Variants in WBP4 observed in about 807,000 individuals in gnomAD.
The protein encoded by WBP4 is WW domain binding protein 4.
WBP4 carries 37 observed loss-of-function variants against 55.4 expected under a neutral mutation model. That is an observed-to-expected ratio of 0.67 (90% confidence interval 0.51 to 0.88). The LOEUF (loss-of-function observed/expected upper bound fraction) is 0.88. Among genes scored for constraint, WBP4 ranks in the 40% least tolerant of loss-of-function variants. The pLI is 0.00. For missense variants in WBP4, 398 were observed against 420.8 expected (o/e 0.95, Z 0.47); for synonymous variants, 142 against 140.2 (o/e 1.01, Z -0.09).
intron 2 of WBP4, among the ~76,000 whole-genome samples, chr13:41,064,570 T>G (rs1324439894): frequency 6.6e-6 from 1 of 152,172 alleles, no homozygotes; most frequent in Admixed American, 6.5e-5. Context: ...TCTCCTAAAT[T>G]TAAGGAATAA....
rs1878304701 is a variant in WBP4, at chr13:41,072,770, T to C, written c.487-12T>C. 3.7e-6 allele frequency: 6 copies of C among 1,610,320 alleles called. No individual in the cohort carries two copies. The highest frequency in any genetic ancestry group is 5.1e-6 in the Non-Finnish European group (6 of 1,178,732). On this transcript the variant is annotated splice_polypyrimidine_tract_variant and intron_variant, in intron 6 of 9. Coordinates refer to ENST00000379487, the MANE Select transcript of WBP4 (RefSeq NM_007187.5). ...ATCCTTAGTTTATGCTGGGTTTTTTTCCTCCTATTAGACAGCAGTGAAGAC... is the reference window on the plus strand; with the variant it reads ...ATCCTTAGTTTATGCTGGGTTTTTTCCCTCCTATTAGACAGCAGTGAAGAC...
intron 8 of WBP4, among the ~76,000 whole-genome samples, chr13:41,076,920 A>G (rs1566213534): frequency 6.6e-6 from 1 of 152,194 alleles, no homozygotes; most frequent in Non-Finnish European, 1.5e-5. Flanking sequence ...CCATCTCACA[A>G]TGATTATAGC....
chr13:41,062,123 T>C (rs1476180517), intron 1 of WBP4: 1 of 974,112 alleles, frequency 1.0e-6, no homozygotes, highest in African/African-American at 1.8e-5. Flanking sequence ...TTTTTTTTTT[T>C]TGTCGGCCGT....
chr13:41,074,926 T>C (rs987836594), intron 7 of WBP4, among the ~76,000 whole-genome samples: 1 of 151,832 alleles, frequency 6.6e-6, no homozygotes, highest in African/African-American at 2.4e-5. Context: ...ACCGGGGAGG[T>C]GGAGGTTACA....
At chr13:41,078,043 A>G (rs540189116) in intron 8 of WBP4, among the ~76,000 whole-genome samples, 145 of 152,326 alleles carry the variant, frequency 9.5e-4, no homozygotes, top group Middle Eastern at 3.4e-3. Flanking sequence ...GGAAGAATCA[A>G]TATCACTAAA....
At chr13:41,064,912 A>G in intron 2 of WBP4, 104 bp from the exon 3 acceptor site, 5 of 1,078,736 alleles carry the variant, frequency 4.6e-6, no homozygotes, top group Non-Finnish European at 6.5e-6. Flanking sequence ...TCTGCCATTC[A>G]TTTTAATTTT....
intron 8 of WBP4, among the ~76,000 whole-genome samples, chr13:41,078,448 A>G (rs939595068): frequency 2.0e-5 from 3 of 152,204 alleles, no homozygotes; most frequent in African/African-American, 7.2e-5. Flanking sequence ...TATGCAGAAG[A>G]ATGAAACTGG....
intron 2 of WBP4, among the ~76,000 whole-genome samples, chr13:41,063,680 C>A (rs1474925496): frequency 6.6e-6 from 1 of 151,964 alleles, no homozygotes; most frequent in African/African-American, 2.4e-5. Flanking sequence ...CTGTCTTTAT[C>A]TTCTTGAGTT....
chr13:41,075,629 C>G (rs147945931), intron 7 of WBP4, among the ~76,000 whole-genome samples: 1 of 152,290 alleles, frequency 6.6e-6, no homozygotes, highest in East Asian at 1.9e-4. Context: ...AATCCTCCTA[C>G]CTCGCCTTTT....
chr13:41,069,281 CT>C (rs1427629739), intron 5 of WBP4, among the ~76,000 whole-genome samples: 1 of 151,788 alleles, frequency 6.6e-6, no homozygotes. Context: ...AATCCTAGCA[CT>C]TTTGAGGGGC....
intron 6 of WBP4, 129 bp from the exon 7 acceptor site, chr13:41,072,653 G>A: frequency 2.8e-6 from 2 of 707,184 alleles, no homozygotes; most frequent in African/African-American, 1.8e-5. Context: ...TGAGATTTGG[G>A]TGGGGATGCA....
chr13:41,062,156 C>G, intron 1 of WBP4: 1 of 853,744 alleles, frequency 1.2e-6, no homozygotes, highest in Non-Finnish European at 1.4e-6. Context: ...ATGGCTTTTC[C>G]AGTTCTCTCT....
intron 4 of WBP4, among the ~76,000 whole-genome samples, chr13:41,067,817 C>G (rs1025622136): frequency 2.0e-5 from 3 of 151,808 alleles, no homozygotes; most frequent in African/African-American, 7.3e-5. Context: ...TTTCATTTGT[C>G]TTATATATGT....
At chr13:41,064,828 T>TAATAAAC (rs1360789808) in intron 2 of WBP4, among the ~76,000 whole-genome samples, 188 bp from the exon 3 acceptor site, 1 of 152,132 alleles carries the variant, frequency 6.6e-6, no homozygotes, top group Non-Finnish European at 1.5e-5. Context: ...GAGGACATAA[T>TAATAAAC]AATAAACAAT....
chr13:41,074,205 A>G (rs919805283), intron 7 of WBP4, among the ~76,000 whole-genome samples: 3 of 152,200 alleles, frequency 2.0e-5, no homozygotes, highest in African/African-American at 7.2e-5. Flanking sequence ...TGCTGGGATT[A>G]CAGGCGTGAG....
At chr13:41,062,506 T>G in intron 1 of WBP4, 138 bp from the exon 2 acceptor site, 1 of 780,098 alleles carries the variant, frequency 1.3e-6, no homozygotes, top group Non-Finnish European at 1.9e-6. Flanking sequence ...ACCAGATAAA[T>G]AATAAAACGA....
At chr13:41,077,280 C>T (rs1227999997) in intron 8 of WBP4, among the ~76,000 whole-genome samples, 5 of 152,064 alleles carry the variant, frequency 3.3e-5, no homozygotes, top group Non-Finnish European at 7.4e-5. Context: ...TGATAAAAAC[C>T]TTCAGCAAAC....
intron 8 of WBP4, among the ~76,000 whole-genome samples, chr13:41,077,156 G>A (rs1054081645): frequency 1.3e-5 from 2 of 152,042 alleles, no homozygotes; most frequent in African/African-American, 4.8e-5. Context: ...GGGATGAAAG[G>A]ATGGTTCAAA....
chr13:41,076,514 C>T (rs1187973356), intron 8 of WBP4, among the ~76,000 whole-genome samples: 1 of 151,966 alleles, frequency 6.6e-6, no homozygotes, highest in Non-Finnish European at 1.5e-5. Context: ...ATCTCCTGAC[C>T]TCGTGATCTA....
Sources: gnomAD v4.1 joint callset for allele counts (sites outside exome capture counted in the v4.1 genomes callset) on GRCh38, gnomAD v4.1.1 for gene constraint, MANE v1.5 for transcripts, NCBI Gene and HGNC (gene_info 2026-07-23, HGNC 2026-07-21) for gene names.